Variants in MAP3K15 observed in about 807,000 individuals in gnomAD.
MAP3K15 encodes the protein mitogen-activated protein kinase kinase kinase 15, also known as MAPK/ERK kinase kinase 15.
In MAP3K15, 124 loss-of-function variants were observed where a neutral mutation model predicts 99.5. That is an observed-to-expected ratio of 1.25 (90% CI 1.08 to 1.45). The LOEUF (loss-of-function observed/expected upper bound fraction) is 1.45, where lower values mean the gene tolerates loss of function less well. MAP3K15 is among the 40% of genes most tolerant of loss of function. MAP3K15 has a pLI of 0.00. For missense variants in MAP3K15, 1,242 were observed against 1,079.7 expected, an observed-to-expected ratio of 1.15 and a Z score of -2.11; for synonymous variants, 494 against 439.6, an observed-to-expected ratio of 1.12 and a Z score of -1.55.
At position 19,431,717 on chromosome X, in the gene MAP3K15, G is replaced by A. The variant is rs139897557; in HGVS notation, c.996-109C>T. On this transcript the variant is annotated intron_variant, in intron 6 of 28. Coordinates refer to ENST00000338883, the MANE Select transcript of MAP3K15 (RefSeq NM_001001671.4). ...TCCCAGCACTTTGGGAGGCCGAAGC[G>A]GGTAGATCATTTGAGGTCAGGAGTT... 5.3e-3 allele frequency: 3,265 copies of A among 616,941 alleles called. 84 individuals are homozygous for A. In the African/African-American group the frequency reaches 0.064, roughly 12 times the overall value. 50.8% of individuals were successfully genotyped at this position (616,941 alleles called of 1,213,427 possible).
In MAP3K15 at chrX:19,377,944, A is replaced by C. The variant is rs188251877; in HGVS notation, c.2589+2176T>G. Among the ~76,000 whole-genome samples the C allele has an allele frequency of 4.5e-3, 510 of 112,257 alleles. 3 individuals carry two copies. Among genetic ancestry groups the C allele is most frequent in the African/African-American group, 0.015 (460 of 30,939 alleles). ...TGGGCTCTGAACCCAAGCAGCTGATAGGAGGTGAGAAGCTCTGAGACCCTT... is the reference window on the plus strand; with the variant it reads ...TGGGCTCTGAACCCAAGCAGCTGATCGGAGGTGAGAAGCTCTGAGACCCTT... On this transcript the variant is annotated intron_variant, in intron 19 of 28. Coordinates refer to ENST00000338883, the MANE Select transcript of MAP3K15 (RefSeq NM_001001671.4).
rs184120390 is a variant in MAP3K15, at chrX:19,430,999, C to A, written c.1166+439G>T. Among the ~76,000 whole-genome samples, 277 of 112,064 alleles carry A rather than the reference C, an allele frequency of 2.5e-3. 1 individual carries two copies. The highest frequency in any genetic ancestry group is 8.5e-3 in the African/African-American group (263 of 30,847). ...AACTTCCCTCACCAGCAATGCAAGG[C>A]CCCCAAGGGCAGGATTCACGTCCGT... On this transcript the variant is annotated intron_variant, in intron 7 of 28. Coordinates refer to ENST00000338883, the MANE Select transcript of MAP3K15 (RefSeq NM_001001671.4).
chrX:19,400,578 C>A lies in MAP3K15; in HGVS notation c.1930G>T (p.Glu644Ter). Residue 644 changes from glutamate to a stop codon, truncating the protein, a stop_gained and splice_region_variant, in exon 14 of 29, where the codon GAG (glutamate) becomes TAG (stop). Transcript: ENST00000338883. LOFTEE classifies it high-confidence loss of function. ...ATTCTAGATCGTCCATGACTCACCT[C>A]CAAGGTGTCTCCATCGGTCTCTCCC... is the stretch of plus-strand genomic sequence containing the variant. ...LEGETDGDTL[E>*]YEYDHDANGE... 8.4e-7 allele frequency: 1 copy of A among 1,192,912 alleles called. No homozygotes were observed. The highest frequency in any genetic ancestry group is 1.8e-5 in the South Asian group (1 of 56,319).
rs140920823 is a variant in MAP3K15, at chrX:19,362,205, AATC to A, written c.3679+530_3679+532del. Among the ~76,000 whole-genome samples the A allele has an allele frequency of 2.4e-3, 259 of 107,417 alleles. 1 individual carries two copies. Among genetic ancestry groups the A allele is most frequent in the Non-Finnish European group, 4.1e-3 (214 of 52,062 alleles). The allele number at this position is 107,417 out of a possible 115,157, so 93.3% of individuals were successfully genotyped here. On this transcript the variant is annotated intron_variant, in intron 26 of 28. Coordinates refer to ENST00000338883, the MANE Select transcript of MAP3K15 (RefSeq NM_001001671.4). ...GTTTTGCCTTTTCTGGAGGAAAAGG[AATC>A]ATGGTATGTGGCCTTTTGAATCTTT... is the stretch of plus-strand genomic sequence containing the variant.
intron 19 of MAP3K15, among the ~76,000 whole-genome samples, chrX:19,377,995 A>G (rs1328479456): frequency 8.9e-6 from 1 of 112,022 alleles, no homozygotes; most frequent in Non-Finnish European, 1.9e-5. Context: ...CGGGCTGGAG[A>G]GAGCAGCCAA....
chrX:19,503,399 G>C (rs1054550325), intron 1 of MAP3K15, among the ~76,000 whole-genome samples: 1 of 111,640 alleles, frequency 9.0e-6, no homozygotes, highest in Admixed American at 9.5e-5. Flanking sequence ...GCATTCTCCA[G>C]AATGATGAGG....
chrX:19,383,702 C>T (rs1184695669), intron 18 of MAP3K15, among the ~76,000 whole-genome samples: 2 of 112,280 alleles, frequency 1.8e-5, no homozygotes, highest in Admixed American at 9.4e-5. Flanking sequence ...CAAAAGAAGA[C>T]ATTTGTAAAT....
At chrX:19,469,429 C>A (rs187525736) in intron 3 of MAP3K15, among the ~76,000 whole-genome samples, 1 of 111,842 alleles carries the variant, frequency 8.9e-6, no homozygotes, top group Non-Finnish European at 1.9e-5. Flanking sequence ...ACATGTTAGA[C>A]CTAAAACCAT....
In MAP3K15 at chrX:19,394,849, G is replaced by A. The variant is rs182048794; in HGVS notation, c.2194+232C>T. ...TTTTTTTTTTTTAAAAAGAGTGATG[G>A]GTTTTGCTCTGTCGCCCAGGCTGGA... On this transcript the variant is annotated intron_variant, in intron 16 of 28. Coordinates refer to ENST00000338883, the MANE Select transcript of MAP3K15 (RefSeq NM_001001671.4). Among the ~76,000 whole-genome samples the A allele has an allele frequency of 4.3e-3, 284 of 65,836 alleles. 4 individuals are homozygous for A. Among genetic ancestry groups the A allele is most frequent in the African/African-American group, 0.017 (272 of 16,393 alleles). The allele number at this position is 65,836 out of a possible 115,157, so 57.2% of individuals were successfully genotyped here.
chrX:19,506,350 G>A (rs765879529), intron 1 of MAP3K15, among the ~76,000 whole-genome samples: 5 of 111,574 alleles, frequency 4.5e-5, no homozygotes, highest in African/African-American at 9.8e-5. Flanking sequence ...GATTAGAGGC[G>A]TGAGCCACCA....
In MAP3K15 at chrX:19,360,785, C is replaced by G. The variant is rs145675672; in HGVS notation, c.3906G>C (p.Arg1302Ser). The G allele has an allele frequency of 1.2e-4, 142 of 1,207,859 alleles. No homozygotes were observed. Among genetic ancestry groups the G allele is most frequent in the South Asian group, 1.9e-4 (11 of 56,505 alleles). The change falls in exon 29 of 29, where the codon AGG becomes AGC. Residue 1302 changes from arginine (R) to serine (S), a missense_variant. Physicochemically the swap from Arg to Ser is moderately radical, Grantham distance 110 (BLOSUM62 -1). Coordinates refer to ENST00000338883, the MANE Select transcript of MAP3K15 (RefSeq NM_001001671.4). ...CTTTGGTTTCTGAGGCCTCCTGAGCCCTTCTGTACTGGGAGACCGCACTCC... is the reference window on the plus strand; with the variant it reads ...CTTTGGTTTCTGAGGCCTCCTGAGCGCTTCTGTACTGGGAGACCGCACTCC... ...RLWSAVSQYR[R>S]AQEASETKDK...
chrX:19,417,551 G>A lies in MAP3K15; in HGVS notation c.1440-2294C>T, dbSNP rs764776073. ...GGTAAACAAAGCCTCCGGGAAGCTCGAACTGGGTGGAGCCCACCTCAGCTC... is the reference window on the plus strand; with the variant it reads ...GGTAAACAAAGCCTCCGGGAAGCTCAAACTGGGTGGAGCCCACCTCAGCTC... On this transcript the variant is annotated intron_variant, in intron 9 of 28. Transcript: ENST00000338883. 1.9e-3 allele frequency among the ~76,000 whole-genome samples: 218 copies of A among 111,866 alleles called. 3 individuals are homozygous for A. The highest frequency in any genetic ancestry group is 1.1e-3 in the Non-Finnish European group (57 of 53,065).
intron 9 of MAP3K15, among the ~76,000 whole-genome samples, chrX:19,424,418 G>A (rs1051994326): frequency 9.2e-6 from 1 of 108,847 alleles, no homozygotes; most frequent in East Asian, 2.9e-4. Context: ...TGTCTATGGG[G>A]AAATCCAATA....
chrX:19,391,039 C>A (rs2063524108), intron 18 of MAP3K15, among the ~76,000 whole-genome samples: 1 of 111,839 alleles, frequency 8.9e-6, no homozygotes, highest in African/African-American at 3.3e-5. Context: ...AACTGTGAAA[C>A]TAGCTGGTAA....
intron 6 of MAP3K15, among the ~76,000 whole-genome samples, chrX:19,442,208 C>T (rs1269456077): frequency 9.0e-6 from 1 of 111,573 alleles, no homozygotes; most frequent in African/African-American, 3.3e-5. Flanking sequence ...TGACCCTGAC[C>T]TAGCCCATGT....
chrX:19,463,902 A>G (rs755886474), intron 4 of MAP3K15, among the ~76,000 whole-genome samples: 1 of 100,103 alleles, frequency 1.0e-5, no homozygotes, highest in African/African-American at 3.9e-5. Context: ...AGAGATCGTT[A>G]AAAAAAAAAA....
At chrX:19,458,262 A>G (rs368712414) in intron 5 of MAP3K15, among the ~76,000 whole-genome samples, 2 of 112,487 alleles carry the variant, frequency 1.8e-5, no homozygotes, top group Non-Finnish European at 3.8e-5. Flanking sequence ...GAAGGGATAC[A>G]TGAAGGGAAG....
At chrX:19,490,616 G>A (rs1160882093) in intron 1 of MAP3K15, among the ~76,000 whole-genome samples, 2 of 110,036 alleles carry the variant, frequency 1.8e-5, no homozygotes, top group Admixed American at 9.8e-5. Flanking sequence ...GGGTGTGGTG[G>A]TGCGTGCCTG....
intron 25 of MAP3K15, 83 bp downstream of exon 25, chrX:19,368,971 A>G: frequency 9.8e-7 from 1 of 1,018,645 alleles, no homozygotes; most frequent in Non-Finnish European, 1.3e-6. Flanking sequence ...ATGGTCAACA[A>G]TAAAGCCAAT....
Sources: allele counts gnomAD v4.1 joint callset (sites outside exome capture counted in the v4.1 genomes callset), GRCh38; gene constraint gnomAD v4.1.1; transcripts MANE v1.5; gene names NCBI Gene and HGNC (gene_info 2026-07-23, HGNC 2026-07-21).